Variants in PDE4D observed in about 807,000 individuals in gnomAD.
PDE4D encodes the protein 3',5'-cyclic-AMP phosphodiesterase 4D.
PDE4D carries 24 observed loss-of-function variants against 87.4 expected under a neutral mutation model. That is an observed-to-expected ratio of 0.27 (90% CI 0.20 to 0.39). The LOEUF is 0.39. Ranked by LOEUF, PDE4D falls within the 10% of genes least tolerant of loss-of-function variation. PDE4D has a pLI of 1.00. For missense variants in PDE4D, 714 were observed against 1,041.0 expected (o/e 0.69, Z 4.32); for synonymous variants, 384 against 383.2 (o/e 1.00, Z -0.02).
intron 1 of PDE4D, among the ~76,000 whole-genome samples, chr5:59,818,990 C>T (rs1226038889): frequency 6.6e-6 from 1 of 152,094 alleles, no homozygotes; most frequent in Non-Finnish European, 1.5e-5. Flanking sequence ...CCAATGTTGA[C>T]ACAAGCAATC....
At chr5:60,436,270 T>A (rs972074804) in intron 1 of PDE4D, among the ~76,000 whole-genome samples, 4 of 152,108 alleles carry the variant, frequency 2.6e-5, no homozygotes, top group Admixed American at 2.6e-4. Context: ...GTTCTGAAAT[T>A]ACTAATAGTG....
chr5:59,410,723 G>GT (rs1352635160), intron 1 of PDE4D, among the ~76,000 whole-genome samples: 1 of 151,952 alleles, frequency 6.6e-6, no homozygotes, highest in Non-Finnish European at 1.5e-5. Context: ...GGTACTGCAT[G>GT]TTTTTTTGCA....
rs1410925859 is a variant in PDE4D, at chr5:59,489,130, C to A, written c.456-273162G>T. Among the ~76,000 whole-genome samples, 5 of 151,804 alleles carry A rather than the reference C, an allele frequency of 3.3e-5. No homozygotes were observed. The East Asian group carries it at 9.7e-4, about 29-fold the overall frequency. ...TGAAACCCCATCTCTACTAAAAATA[C>A]AAAAATTAGCTGAGTGTGGTAGTAC... is the stretch of plus-strand genomic sequence containing the variant. On this transcript the variant is annotated intron_variant, in intron 1 of 14. Coordinates refer to ENST00000340635, the MANE Select transcript of PDE4D (RefSeq NM_001104631.2).
At chr5:60,178,262 C>T (rs1784099080) in intron 2 of PDE4D, among the ~76,000 whole-genome samples, 1 of 152,076 alleles carries the variant, frequency 6.6e-6, no homozygotes, top group Admixed American at 6.6e-5. Flanking sequence ...TTCTCCCTTC[C>T]TGCATTAGGA....
At chr5:59,541,596 T>C (rs949699037) in intron 1 of PDE4D, among the ~76,000 whole-genome samples, 1 of 152,232 alleles carries the variant, frequency 6.6e-6, no homozygotes, top group Non-Finnish European at 1.5e-5. Flanking sequence ...CCCCTTTATA[T>C]AGGGAATACA....
chr5:60,414,837 G>GTCATAACA (rs1311962254), intron 1 of PDE4D, among the ~76,000 whole-genome samples: 1 of 152,150 alleles, frequency 6.6e-6, no homozygotes, highest in Non-Finnish European at 1.5e-5. Context: ...CCTATCTAAG[G>GTCATAACA]TCATAACATC....
At chr5:59,467,382 G>C (rs1044055386) in intron 1 of PDE4D, among the ~76,000 whole-genome samples, 1 of 152,136 alleles carries the variant, frequency 6.6e-6, no homozygotes, top group African/African-American at 2.4e-5. Context: ...GAGACAGAGG[G>C]ATGACATTCT....
intron 3 of PDE4D, among the ~76,000 whole-genome samples, chr5:59,906,174 A>G (rs1318904836): frequency 6.6e-6 from 1 of 152,124 alleles, no homozygotes; most frequent in Non-Finnish European, 1.5e-5. Context: ...CTCATCTCAT[A>G]ATTAGAAAAC....
At chr5:58,984,648 T>C (rs1423386297) in intron 11 of PDE4D, among the ~76,000 whole-genome samples, 1 of 152,178 alleles carries the variant, frequency 6.6e-6, no homozygotes, top group East Asian at 1.9e-4. Flanking sequence ...GCTAGATACA[T>C]CTTAACCTTA....
chr5:59,072,281 A>G (rs1484171344), intron 5 of PDE4D, among the ~76,000 whole-genome samples: 2 of 152,150 alleles, frequency 1.3e-5, no homozygotes, highest in Non-Finnish European at 2.9e-5. Context: ...AGGCTTAAGC[A>G]TAGTTGGAAG....
chr5:60,374,003 T>C (rs1404581234), intron 1 of PDE4D, among the ~76,000 whole-genome samples: 1 of 152,174 alleles, frequency 6.6e-6, no homozygotes, highest in Non-Finnish European at 1.5e-5. Context: ...GATGAACTTA[T>C]TCCCCCCTTG....
intron 1 of PDE4D, among the ~76,000 whole-genome samples, chr5:60,383,481 C>T (rs528608432): frequency 1.3e-5 from 2 of 152,280 alleles, no homozygotes; most frequent in African/African-American, 2.4e-5. Flanking sequence ...GCTAAGACTA[C>T]TGTGTAAATC....
At chr5:60,258,333 A>G (rs1562265406) in intron 1 of PDE4D, among the ~76,000 whole-genome samples, 1 of 151,998 alleles carries the variant, frequency 6.6e-6, no homozygotes, top group Non-Finnish European at 1.5e-5. Context: ...ACCATTCACA[A>G]AAGAACAAAA....
chr5:60,197,077 TTAGATAGATAGATAGATAGATAGA>T (rs70975372), intron 1 of PDE4D, among the ~76,000 whole-genome samples: 1 of 117,408 alleles, frequency 8.5e-6, no homozygotes, highest in African/African-American at 3.1e-5. Context: ...AGATAGACAG[TTAGATAGATAGATAGATAGATAGA>T]TAGATAGATA....
rs182403572 is a variant in PDE4D, at chr5:59,066,808, A to G, written c.809-27837T>C. On this transcript the variant is annotated intron_variant, in intron 5 of 14. Transcript: ENST00000340635. ...TAAGGGGATTAGTGGCTTATAAAGG[A>G]GGCCCAAGAGAGCTGCCTTGCCCCT... Among the ~76,000 whole-genome samples, 224 of 152,104 alleles carry G rather than the reference A, an allele frequency of 1.5e-3. 2 individuals are homozygous for G. The highest frequency in any genetic ancestry group is 5.2e-3 in the African/African-American group (214 of 41,508).
rs188200791 is a variant in PDE4D at position 59,377,941 on chromosome 5, A to G, written c.456-161973T>C. On this transcript the variant is annotated intron_variant, in intron 1 of 14. Transcript: ENST00000340635. ...ATCCCATTACTGGGTGTATACCCAAAGGAATAGAAATTATTCTATTATAAT... is the reference window on the plus strand; with the variant it reads ...ATCCCATTACTGGGTGTATACCCAAGGGAATAGAAATTATTCTATTATAAT... Among the ~76,000 whole-genome samples, 376 of 152,352 alleles carry G rather than the reference A, an allele frequency of 2.5e-3. 11 individuals carry two copies. Among genetic ancestry groups the G allele is most frequent in the Non-Finnish European group, 5.6e-4 (38 of 68,038 alleles).
At chr5:60,509,001 G>A (rs1447788485) in intron 1 of PDE4D, among the ~76,000 whole-genome samples, 2 of 151,948 alleles carry the variant, frequency 1.3e-5, no homozygotes, top group African/African-American at 2.4e-5. Flanking sequence ...TCGGGTTCAA[G>A]CTATTCTCAT....
In PDE4D at chr5:59,617,337, C is replaced by G. The variant is rs551028880; in HGVS notation, c.455+275831G>C. Among the ~76,000 whole-genome samples the G allele has an allele frequency of 3.0e-4, 45 of 152,118 alleles. No homozygotes were observed. The South Asian group carries it at 9.3e-3, about 32-fold the overall frequency. ...TAAATATTATGCTACAATGTGGACT[C>G]TAAAATAAGAGATTAAAAGCTAATA... On this transcript the variant is annotated intron_variant, in intron 1 of 14. Transcript: ENST00000340635.
At chr5:60,239,152 A>G (rs1180751859) in intron 1 of PDE4D, among the ~76,000 whole-genome samples, 1 of 152,074 alleles carries the variant, frequency 6.6e-6, no homozygotes, top group Non-Finnish European at 1.5e-5. Context: ...TAATTATTAT[A>G]TGTTGTAAGA....
Sources: gnomAD v4.1 joint callset for allele counts (sites outside exome capture counted in the v4.1 genomes callset) on GRCh38, gnomAD v4.1.1 for gene constraint, MANE v1.5 for transcripts, NCBI Gene and HGNC (gene_info 2026-07-23, HGNC 2026-07-21) for gene names.